The following ZCCHC10 variants were observed in gnomAD, a reference collection of about 807,000 sequenced individuals.
The protein encoded by ZCCHC10 is zinc finger CCHC-type containing 10.
ZCCHC10 carries 16 observed loss-of-function variants against 19.5 expected under a neutral mutation model. That is an observed-to-expected ratio of 0.82 (90% CI 0.56 to 1.25). ZCCHC10 has a LOEUF of 1.25. Ranked by LOEUF, ZCCHC10 falls within the 50% of genes most tolerant of loss-of-function variation. The pLI, the probability that ZCCHC10 is intolerant of heterozygous loss-of-function variation, is 0.00. For missense variants in ZCCHC10, 197 were observed against 201.0 expected (o/e 0.98, Z 0.12); for synonymous variants, 67 against 72.5 (o/e 0.92, Z 0.38).
At chr5:133,005,609 A>T (rs1426458694) in intron 3 of ZCCHC10, among the ~76,000 whole-genome samples, 1 of 152,144 alleles carries the variant, frequency 6.6e-6, no homozygotes, top group Non-Finnish European at 1.5e-5. Context: ...CTGTCTCAAA[A>T]CAAACAAACA....
intron 1 of ZCCHC10, 51 bp downstream of exon 1, chr5:133,026,446 C>T (rs1764722457): frequency 2.5e-6 from 4 of 1,606,192 alleles, no homozygotes; most frequent in Non-Finnish European, 3.4e-6. Flanking sequence ...CGTTGACGCG[C>T]GTTTCCCCGC....
At position 133,008,182 on chromosome 5, in the gene ZCCHC10, G is replaced by A. The variant is rs558156900; in HGVS notation, c.108-1262C>T. Among the ~76,000 whole-genome samples, 19 of 141,942 alleles carry A rather than the reference G, an allele frequency of 1.3e-4. No individual in the cohort carries two copies. In the East Asian group the frequency reaches 2.5e-3, roughly 19 times the overall value. The allele number at this position is 141,942 out of a possible 152,430, so 93.1% of individuals were successfully genotyped here. ...AAAGCTTGCAGTGAGCCGAGATTGC[G>A]CCACTGCACTCCAGTCTGGGTGACA... On this transcript the variant is annotated intron_variant, in intron 2 of 4. Coordinates refer to ENST00000509437, the MANE Select transcript of ZCCHC10 (RefSeq NM_001300816.3).
At chr5:133,000,943 A>T (rs1025619454) in intron 3 of ZCCHC10, among the ~76,000 whole-genome samples, 1 of 151,612 alleles carries the variant, frequency 6.6e-6, no homozygotes, top group Non-Finnish European at 1.5e-5. Context: ...TGCCTGGCCG[A>T]GTTATTTACT....
At chr5:133,000,061 A>C in intron 4 of ZCCHC10, 71 bp downstream of exon 4, 1 of 1,543,122 alleles carries the variant, frequency 6.5e-7, no homozygotes, top group East Asian at 2.3e-5. Flanking sequence ...CTATTGTTTT[A>C]AAATCACCTT....
In ZCCHC10 at chr5:133,022,744, C is replaced by T. The variant is rs192384082; in HGVS notation, c.107+97G>A. On this transcript the variant is annotated intron_variant, in intron 2 of 4. Coordinates refer to ENST00000509437, the MANE Select transcript of ZCCHC10 (RefSeq NM_001300816.3). ...GGGATTACAGGCATGAGCCACCACG[C>T]CCCGGCCTTGTTCAACATTTTTATA... 53 of 412,746 alleles carry T rather than the reference C, an allele frequency of 1.3e-4. No individual in the cohort carries two copies. The Middle Eastern group carries it at 1.9e-3, about 15-fold the overall frequency. The allele number at this position is 412,746 out of a possible 1,614,324, so 25.6% of individuals were successfully genotyped here.
In ZCCHC10 at chr5:132,998,022, C is replaced by G. The variant is rs554172632; in HGVS notation, c.*561G>C. 1.3e-5 allele frequency: 2 copies of G among 152,256 alleles called. No homozygotes were observed. The highest frequency in any genetic ancestry group is 3.9e-4 in the East Asian group (2 of 5,184). 9.4% of individuals were successfully genotyped at this position (152,256 alleles called of 1,614,324 possible). A position where few individuals can be genotyped will look rare whatever the true frequency, so the allele number is the denominator to read the frequency against. The stretch of plus-strand genomic sequence containing the variant: ...ACGTAACACAGCAATTTGAAACTTA[C>G]AGCATTCAAAAACTATAAATATATT... On this transcript the variant is annotated 3_prime_UTR_variant, in exon 5 of 5. Transcript: ENST00000509437.
At chr5:133,019,809 C>T (rs1764177053) in intron 2 of ZCCHC10, among the ~76,000 whole-genome samples, 1 of 151,678 alleles carries the variant, frequency 6.6e-6, no homozygotes, top group South Asian at 2.1e-4. Context: ...AAAAAATTAG[C>T]TGCGTGGGGT....
intron 2 of ZCCHC10, among the ~76,000 whole-genome samples, chr5:133,014,900 C>A (rs1244154300): frequency 6.6e-6 from 1 of 152,202 alleles, no homozygotes; most frequent in African/African-American, 2.4e-5. Flanking sequence ...ATCTTAGAGG[C>A]TGGCTATCAC....
intron 3 of ZCCHC10, among the ~76,000 whole-genome samples, chr5:133,001,953 CTTTTTTTTTTTTTTTT>C (rs34331639): frequency 1.3e-5 from 1 of 77,842 alleles, no homozygotes; most frequent in Non-Finnish European, 2.5e-5. Context: ...ATTCAGCAAT[CTTTTTTTTTTTTTTTT>C]TTTTTTTTTT....
At chr5:133,006,439 G>A (rs1354754152) in intron 3 of ZCCHC10, among the ~76,000 whole-genome samples, 1 of 152,088 alleles carries the variant, frequency 6.6e-6, no homozygotes, top group Non-Finnish European at 1.5e-5. Flanking sequence ...TGGGGGACAG[G>A]CTGCATGATT....
intron 2 of ZCCHC10, among the ~76,000 whole-genome samples, chr5:133,021,320 C>T (rs1402391309): frequency 4.6e-5 from 7 of 152,156 alleles, no homozygotes; most frequent in African/African-American, 9.6e-5. Context: ...TGAGCTACTG[C>T]GCCCAGCCTT....
intron 2 of ZCCHC10, among the ~76,000 whole-genome samples, chr5:133,009,445 C>T (rs1046272472): frequency 6.6e-6 from 1 of 151,476 alleles, no homozygotes; most frequent in African/African-American, 2.4e-5. Context: ...TGGTGAAACC[C>T]GTCTCTACTA....
intron 1 of ZCCHC10, 71 bp from the exon 2 acceptor site, chr5:133,022,977 G>A (rs1405533017): frequency 4.6e-6 from 2 of 438,450 alleles, no homozygotes; most frequent in Non-Finnish European, 8.1e-6. Flanking sequence ...ATACAAGGCA[G>A]GGGAGGTCTG....
chr5:133,004,102 C>T (rs900013892), intron 3 of ZCCHC10, among the ~76,000 whole-genome samples: 2 of 151,810 alleles, frequency 1.3e-5, no homozygotes, highest in Non-Finnish European at 2.9e-5. Context: ...GGTTTGGCAT[C>T]AATTAAATTC....
At chr5:132,999,245 A>G (rs10066384) in intron 4 of ZCCHC10, among the ~76,000 whole-genome samples, 48,235 of 152,024 alleles carry the variant, frequency 0.32, 8,492 homozygotes, top group African/African-American at 0.48. Context: ...ATATGATTCC[A>G]TATATATGCT....
At chr5:133,016,570 G>A (rs1037686825) in intron 2 of ZCCHC10, among the ~76,000 whole-genome samples, 1 of 151,906 alleles carries the variant, frequency 6.6e-6, no homozygotes, top group Non-Finnish European at 1.5e-5. Flanking sequence ...AGCCTCCCAA[G>A]TAGCTGGGAT....
chr5:133,000,805 G>A (rs571240760), intron 3 of ZCCHC10, among the ~76,000 whole-genome samples: 4 of 151,842 alleles, frequency 2.6e-5, no homozygotes, highest in Admixed American at 1.3e-4. Flanking sequence ...ACCAAGCCCG[G>A]CTAATTTTTA....
intron 3 of ZCCHC10, chr5:133,003,124 C>T (rs1002773940): frequency 2.6e-5 from 8 of 304,618 alleles, no homozygotes; most frequent in South Asian, 1.1e-4. Flanking sequence ...AAACATTCTC[C>T]GCCAGATCAT....
At chr5:133,005,666 G>GAAAAA (rs10640500) in intron 3 of ZCCHC10, among the ~76,000 whole-genome samples, 49,967 of 151,768 alleles carry the variant, frequency 0.33, 9,615 homozygotes, top group African/African-American at 0.54. Flanking sequence ...CCACTATTCT[G>GAAAAA]CCATCTAGGT....
Sources: allele counts gnomAD v4.1 joint callset (sites outside exome capture counted in the v4.1 genomes callset), GRCh38; gene constraint gnomAD v4.1.1; transcripts MANE v1.5; gene names NCBI Gene and HGNC (gene_info 2026-07-23, HGNC 2026-07-21).